Variants in GDE1 observed in about 807,000 individuals in gnomAD.
The protein encoded by GDE1 is RGS16-interacting membrane protein.
In GDE1, 24 loss-of-function variants were observed where a neutral mutation model predicts 32.2. That is an observed-to-expected ratio of 0.75 (90% CI 0.54 to 1.05). GDE1 has a LOEUF of 1.05. Ranked by LOEUF, GDE1 falls within the 50% of genes least tolerant of loss-of-function variation. The pLI, the probability that GDE1 is intolerant of heterozygous loss-of-function variation, is 0.00. For missense variants in GDE1, 380 were observed against 415.0 expected, an observed-to-expected ratio of 0.92 and a Z score of 0.73; for synonymous variants, 159 against 158.6, an observed-to-expected ratio of 1.00 and a Z score of -0.02.
rs932016225 is a variant in GDE1, at chr16:19,509,077, G to A, written c.544-1298C>T. 1.4e-4 allele frequency among the ~76,000 whole-genome samples: 21 copies of A among 152,304 alleles called. No individual in the cohort carries two copies. In the East Asian group the frequency reaches 3.3e-3, roughly 24 times the overall value. ...AGCACTTTGGGAGGCCAAGGTGGGC[G>A]GATCACTCGAGGCCAGGAGTTTGAG... On this transcript the variant is annotated intron_variant, in intron 3 of 5. Transcript: ENST00000353258.
intron 2 of GDE1, among the ~76,000 whole-genome samples, chr16:19,511,991 T>G (rs1187538207): frequency 3.9e-5 from 6 of 152,218 alleles, no homozygotes; most frequent in Non-Finnish European, 1.5e-5. Flanking sequence ...AGGTTGATTC[T>G]GTATCTTGGC....
chr16:19,508,535 G>A (rs1969276678), intron 3 of GDE1, among the ~76,000 whole-genome samples: 1 of 152,060 alleles, frequency 6.6e-6, no homozygotes, highest in Admixed American at 6.5e-5. Flanking sequence ...CAAATATGAT[G>A]AGCAAAATGC....
At chr16:19,504,785 A>C in intron 5 of GDE1, 96 bp downstream of exon 5, 1 of 776,796 alleles carries the variant, frequency 1.3e-6, no homozygotes, top group South Asian at 1.8e-5. Flanking sequence ...TTTGCAGGTC[A>C]GAACCAATTC....
At chr16:19,513,498 C>T (rs1247151434) in intron 2 of GDE1, among the ~76,000 whole-genome samples, 5 of 152,072 alleles carry the variant, frequency 3.3e-5, no homozygotes, top group Admixed American at 3.3e-4. Context: ...TCAGTTTTAA[C>T]AGTTTTTTGG....
rs1259297011 is a variant in GDE1, at chr16:19,505,051, G to A, written c.678C>T (p.His226=). The A allele has an allele frequency of 6.2e-7, 1 of 1,612,942 alleles. No homozygotes were observed. Among genetic ancestry groups the A allele is most frequent in the Admixed American group, 1.7e-5 (1 of 60,026 alleles). The change falls in exon 5 of 6, where the codon CAC becomes CAT. Residue 226 remains histidine, a synonymous_variant. Transcript: ENST00000353258. ...CTGTATGGCTTAGGCTCCAAGGTCT[G>A]TGAGTTAATGCTGTTATTACATCCC... is the stretch of plus-strand genomic sequence containing the variant. The part of the protein sequence containing the change: ...TDRDVITALT[H]RPWSLSHTGD...
At chr16:19,508,986 A>C (rs541406207) in intron 3 of GDE1, among the ~76,000 whole-genome samples, 1 of 152,328 alleles carries the variant, frequency 6.6e-6, no homozygotes, top group South Asian at 2.1e-4. Context: ...TCTTTTTTAA[A>C]TGTCTACTTC....
intron 4 of GDE1, among the ~76,000 whole-genome samples, chr16:19,506,416 G>A (rs547979327): frequency 1.7e-3 from 263 of 152,228 alleles, no homozygotes; most frequent in African/African-American, 5.5e-3. Flanking sequence ...TTGGGAGGCC[G>A]AGGCAGGCAG....
rs368973343 is a variant in GDE1, at chr16:19,517,166, G to A, written c.285C>T (p.Gly95=). 15 of 1,613,396 alleles carry A rather than the reference G, an allele frequency of 9.3e-6. No individual in the cohort carries two copies. Among genetic ancestry groups the A allele is most frequent in the Non-Finnish European group, 1.1e-5 (13 of 1,179,358 alleles). The change falls in exon 2 of 6, where the codon GGC becomes GGT. Residue 95 remains glycine (G), a synonymous_variant. Transcript: ENST00000353258. The stretch of plus-strand genomic sequence containing the variant: ...AAGTAAACTCAATGTCCAACTCCAC[G>A]CCTGTTGCTCCATTCTTAGCTGCCT... The part of the protein sequence containing the change: ...IRQAAKNGAT[G]VELDIEFTSD...
At chr16:19,516,952 C>A (rs1386952056) in intron 2 of GDE1, 62 bp downstream of exon 2, 3 of 1,404,174 alleles carry the variant, frequency 2.1e-6, no homozygotes, top group Non-Finnish European at 3.0e-6. Flanking sequence ...TTAGAAGGCA[C>A]CAGTGTCTGT....
rs763261985 is a variant in GDE1 at position 19,503,487 on chromosome 16, A to C, written c.979T>G (p.Cys327Gly). 8 of 1,613,788 alleles carry C rather than the reference A, an allele frequency of 5.0e-6. No individual in the cohort carries two copies. In the Admixed American group the frequency reaches 1.2e-4, roughly 24 times the overall value. ...SYITDSMVED[C>G]EPHF ...GTGAAAGTCTAGAAGTGAGGTTCGC[A>C]GTCTTCTACCATGCTGTCAGTGATA... The change falls in exon 6 of 6, where the codon TGC becomes GGC. Residue 327 changes from cysteine (C) to glycine (G), a missense_variant. Cys to Gly is a radical substitution (Grantham distance 159). Transcript: ENST00000353258.
intron 2 of GDE1, among the ~76,000 whole-genome samples, chr16:19,512,997 T>C (rs1225959094): frequency 6.7e-6 from 1 of 149,660 alleles, no homozygotes; most frequent in Non-Finnish European, 1.5e-5. Flanking sequence ...CATGCTGTTT[T>C]GGTTACTGTG....
chr16:19,505,905 T>C (rs1259679084), intron 4 of GDE1, among the ~76,000 whole-genome samples: 4 of 152,220 alleles, frequency 2.6e-5, no homozygotes, highest in African/African-American at 9.7e-5. Context: ...TCTGCCTATT[T>C]GGTAACTAAA....
At chr16:19,507,168 ATAAAT>A (rs1567335963) in intron 4 of GDE1, among the ~76,000 whole-genome samples, 1 of 151,318 alleles carries the variant, frequency 6.6e-6, no homozygotes, top group African/African-American at 2.4e-5. Context: ...AAATAAATAA[ATAAAT>A]AAATAAATAA....
intron 1 of GDE1, among the ~76,000 whole-genome samples, chr16:19,520,408 GAAAA>G (rs71375647): frequency 7.6e-6 from 1 of 131,558 alleles, no homozygotes; most frequent in Non-Finnish European, 1.7e-5. Context: ...TAAAAAAAAA[GAAAA>G]AAAAAAAGAA....
At chr16:19,503,848 C>G (rs903132101) in intron 5 of GDE1, 2 of 429,048 alleles carry the variant, frequency 4.7e-6, no homozygotes, top group Non-Finnish European at 8.3e-6. Flanking sequence ...ATCGCCACCC[C>G]CAAATGTCCT....
Position 19,521,883 on chromosome 16 carries a change from G to T in GDE1, c.82C>A (p.Pro28Thr), listed in dbSNP as rs1189211626. 6.2e-7 allele frequency: 1 copy of T among 1,603,380 alleles called. No homozygotes were observed. The highest frequency in any genetic ancestry group is 2.3e-5 in the East Asian group (1 of 44,436). ...LLVLLLVTRS[P>T]VNACLLTGSL... ...CCGGTGAGGAGGCAGGCATTGACCG[G>T]GCTCCGCGTCACCAGCAGCAGCACT... The change falls in exon 1 of 6, where the codon CCG (proline) becomes ACG (threonine). Residue 28 changes from proline to threonine, a missense_variant. Transcript: ENST00000353258.
chr16:19,507,869 T>G (rs1337913906), intron 3 of GDE1, 90 bp from the exon 4 acceptor site: 7 of 641,032 alleles, frequency 1.1e-5, no homozygotes, highest in Non-Finnish European at 1.4e-5. Context: ...AGTACAACCC[T>G]ATGGAATAAA....
chr16:19,513,269 T>G (rs1447562919), intron 2 of GDE1, among the ~76,000 whole-genome samples: 1 of 152,142 alleles, frequency 6.6e-6, no homozygotes, highest in Non-Finnish European at 1.5e-5. Flanking sequence ...TGTGTCCTCT[T>G]AAGTTTTCTC....
chr16:19,504,966 T>C lies in GDE1; in HGVS notation c.763A>G (p.Ile255Val), dbSNP rs769779940. 157 of 1,613,222 alleles carry C rather than the reference T, an allele frequency of 9.7e-5. No individual in the cohort carries two copies. Among genetic ancestry groups the C allele is most frequent in the Non-Finnish European group, 1.3e-4 (155 of 1,179,274 alleles). ...TTATGCATGCTCCAATCGAGCAAAA[T>C]GTCCATCATAACAAATATAAAATGT... ...WKHFIFVMMD[I>V]LLDWSMHNIL... Residue 255 changes from isoleucine (I) to valine (V), a missense_variant, in exon 5 of 6, where the codon ATT (isoleucine) becomes GTT (valine). Transcript: ENST00000353258.
Sources: gnomAD v4.1 joint callset for allele counts (sites outside exome capture counted in the v4.1 genomes callset) on GRCh38, gnomAD v4.1.1 for gene constraint, MANE v1.5 for transcripts, NCBI Gene and HGNC (gene_info 2026-07-23, HGNC 2026-07-21) for gene names.